The following ABCD2 variants were observed in gnomAD, a reference collection of about 807,000 sequenced individuals.
The protein encoded by ABCD2 is ATP-binding cassette sub-family D member 2.
A neutral mutation model predicts 70.9 loss-of-function variants in ABCD2; 36 were observed. The ratio of observed to expected loss-of-function variants is 0.51; its 90% CI spans 0.39 to 0.67. The LOEUF is 0.67. ABCD2 is among the 30% of genes least tolerant of loss of function. ABCD2 has a pLI of 0.00. For missense variants in ABCD2, 729 were observed against 890.2 expected (o/e 0.82, Z 2.30); for synonymous variants, 304 against 306.9 (o/e 0.99, Z 0.10).
At chr12:39,559,146 G>A (rs1941213859) in intron 9 of ABCD2, among the ~76,000 whole-genome samples, 1 of 152,072 alleles carries the variant, frequency 6.6e-6, no homozygotes, top group Non-Finnish European at 1.5e-5. Flanking sequence ...GCTGAGGTGG[G>A]TGGATAATGT....
chr12:39,579,612 A>G lies in ABCD2; in HGVS notation c.1800T>C (p.Asp600=). ...YHIVQREGGW[D]AVMDWKDVLS... is the part of the protein sequence containing the mutation. ...GGACATCTTTCCAGTCCATAACAGCATCCCATCCTTAAGAAAATAAAAAAA... is the reference window on the plus strand; with the variant it reads ...GGACATCTTTCCAGTCCATAACAGCGTCCCATCCTTAAGAAAATAAAAAAA... The change falls in exon 8 of 10, where the codon GAT becomes GAC. Residue 600 remains aspartate (D), a synonymous_variant. Transcript: ENST00000308666. 4 of 1,605,700 alleles carry G rather than the reference A, an allele frequency of 2.5e-6. No homozygotes were observed. The highest frequency in any genetic ancestry group is 3.4e-6 in the Non-Finnish European group (4 of 1,175,348).
At chr12:39,545,415 A>C (rs547962145), downstream of ABCD2, among the ~76,000 whole-genome samples, 1 of 152,084 alleles carries the variant, frequency 6.6e-6, no homozygotes, top group African/African-American at 2.4e-5. Flanking sequence ...GCCTCACAAC[A>C]TGCAATGAAG....
chr12:39,576,764 T>C (rs764251171), intron 8 of ABCD2, among the ~76,000 whole-genome samples: 11 of 152,272 alleles, frequency 7.2e-5, no homozygotes, highest in Non-Finnish European at 1.5e-4. Context: ...GGGGACTGGA[T>C]TGGAAGGGAG....
intron 6 of ABCD2, among the ~76,000 whole-genome samples, chr12:39,591,494 C>T (rs1941745494): frequency 6.6e-6 from 1 of 152,056 alleles, no homozygotes; most frequent in African/African-American, 2.4e-5. Context: ...GGTGAATCAC[C>T]TGAGGTCAGA....
At chr12:39,536,192 T>TA in the ABCD2 span, among the ~76,000 whole-genome samples, 30 of 152,366 alleles carry the variant, frequency 2.0e-4, no homozygotes, top group African/African-American at 7.0e-4. Flanking sequence ...TTTTCACACA[T>TA]ATACACAGAG....
At chr12:39,599,801 G>A (rs1047904173) in intron 6 of ABCD2, among the ~76,000 whole-genome samples, 4 of 152,146 alleles carry the variant, frequency 2.6e-5, no homozygotes, top group Non-Finnish European at 5.9e-5. Context: ...CAGCCTAGGC[G>A]CTTGTTAGAC....
chr12:39,592,207 A>G (rs1224622225), intron 6 of ABCD2, among the ~76,000 whole-genome samples: 1 of 152,224 alleles, frequency 6.6e-6, no homozygotes, highest in Non-Finnish European at 1.5e-5. Flanking sequence ...ATAGAAGTCA[A>G]TTTGCTACAG....
At chr12:39,569,733 A>G (rs1482695347) in intron 9 of ABCD2, among the ~76,000 whole-genome samples, 1 of 152,198 alleles carries the variant, frequency 6.6e-6, no homozygotes, top group Non-Finnish European at 1.5e-5. Flanking sequence ...TGGGAGTTGT[A>G]GACTGGAGCT....
the ABCD2 span, among the ~76,000 whole-genome samples, chr12:39,541,343 G>T: frequency 6.6e-6 from 1 of 152,114 alleles, no homozygotes; most frequent in African/African-American, 2.4e-5. Context: ...AGAAAGAACT[G>T]CAATCTGAAG....
At position 39,552,295 on chromosome 12, in the gene ABCD2, T is replaced by C. The variant is rs1941099026; in HGVS notation, c.*1617A>G. 1 of 151,944 alleles carries C rather than the reference T, an allele frequency of 6.6e-6. No homozygotes were observed. Among genetic ancestry groups the C allele is most frequent in the East Asian group, 1.9e-4 (1 of 5,200 alleles). The allele number at this position is 151,944 out of a possible 1,614,324, so 9.4% of individuals were successfully genotyped here. A position where few individuals can be genotyped will look rare whatever the true frequency, so the allele number is the denominator to read the frequency against. ...ACGATCATTATGAATGACTTCCAGG[T>C]ACTCTATCACCTGAAAAGTCTAAGA... On this transcript the variant is annotated 3_prime_UTR_variant, in exon 10 of 10. Coordinates refer to ENST00000308666, the MANE Select transcript of ABCD2 (RefSeq NM_005164.4).
chr12:39,585,900 G>GA (rs1410192458), intron 7 of ABCD2, among the ~76,000 whole-genome samples: 7 of 152,018 alleles, frequency 4.6e-5, no homozygotes, highest in South Asian at 2.1e-4. Context: ...GAATATAAAA[G>GA]AAAAAAACTG....
intron 9 of ABCD2, among the ~76,000 whole-genome samples, chr12:39,554,840 G>C (rs1031258896): frequency 6.6e-6 from 1 of 152,116 alleles, no homozygotes; most frequent in Non-Finnish European, 1.5e-5. Context: ...TGAAAGAAAA[G>C]TTGGCAGAGC....
intron 1 of ABCD2, among the ~76,000 whole-genome samples, chr12:39,617,527 A>G (rs1308079503): frequency 1.3e-5 from 2 of 152,140 alleles, no homozygotes; most frequent in Non-Finnish European, 2.9e-5. Context: ...ATATATATGT[A>G]TAGACTCCAC....
At chr12:39,579,491 G>A (rs771881395) in intron 8 of ABCD2, 44 bp downstream of exon 8, 1 of 1,404,424 alleles carries the variant, frequency 7.1e-7, no homozygotes, top group Non-Finnish European at 1.0e-6. Flanking sequence ...GCTTGGTTTG[G>A]TTACAACAAT....
chr12:39,537,446 G>A, the ABCD2 span, among the ~76,000 whole-genome samples: 1 of 152,134 alleles, frequency 6.6e-6, no homozygotes, highest in South Asian at 2.1e-4. Flanking sequence ...AATGATGTCT[G>A]AAATGTTTAA....
In ABCD2 at chr12:39,551,061, G is replaced by A. The variant is rs974723170; in HGVS notation, c.*2851C>T. On this transcript the variant is annotated 3_prime_UTR_variant, in exon 10 of 10. Coordinates refer to ENST00000308666, the MANE Select transcript of ABCD2 (RefSeq NM_005164.4). ...AAAACCATTCCCACTGTAAACAAAT[G>A]TAAATTTGAGTTGAGTTTTAAGGTA... The A allele has an allele frequency of 2.0e-5, 3 of 151,618 alleles. No homozygotes were observed. Among genetic ancestry groups the A allele is most frequent in the African/African-American group, 4.8e-5 (2 of 41,400 alleles). The allele number at this position is 151,618 out of a possible 1,614,324, so 9.4% of individuals were successfully genotyped here.
At chr12:39,609,940 A>G (rs1942023035) in intron 2 of ABCD2, among the ~76,000 whole-genome samples, 1 of 152,176 alleles carries the variant, frequency 6.6e-6, no homozygotes, top group South Asian at 2.1e-4. Context: ...ACAGCTTGGT[A>G]GAAGAGAGAT....
chr12:39,618,054 T>C (rs1203391485), intron 1 of ABCD2, among the ~76,000 whole-genome samples: 1 of 151,824 alleles, frequency 6.6e-6, no homozygotes, highest in Non-Finnish European at 1.5e-5. Flanking sequence ...CTAGACAAAA[T>C]TTCATTTCAC....
the ABCD2 span, among the ~76,000 whole-genome samples, chr12:39,537,554 G>C: frequency 6.6e-6 from 1 of 152,104 alleles, no homozygotes; most frequent in African/African-American, 2.4e-5. Flanking sequence ...TCAAAATAAA[G>C]CAATCTGGTC....
Sources: gnomAD v4.1 joint callset for allele counts (sites outside exome capture counted in the v4.1 genomes callset) on GRCh38, gnomAD v4.1.1 for gene constraint, MANE v1.5 for transcripts, NCBI Gene and HGNC (gene_info 2026-07-23, HGNC 2026-07-21) for gene names.